The following RNF24 variants were observed in gnomAD, a reference collection of about 807,000 sequenced individuals.
RNF24 encodes the protein ring finger protein 24.
Under a neutral mutation model 20.0 loss-of-function variants are expected in RNF24, and 14 were observed. The observed-to-expected ratio is 0.70, with a 90% confidence interval of 0.46 to 1.10. RNF24 has a LOEUF of 1.10. RNF24 is among the 50% of genes least tolerant of loss of function. The pLI, the probability that RNF24 is intolerant of heterozygous loss-of-function variation, is 0.00. For synonymous variants in RNF24, 45 were observed against 61.1 expected, an observed-to-expected ratio of 0.74 and a Z score of 1.23; for missense variants, 124 against 177.6, an observed-to-expected ratio of 0.70 and a Z score of 1.71.
chr20:3,978,758 A>C (rs1330056426), intron 1 of RNF24, among the ~76,000 whole-genome samples: 4 of 152,206 alleles, frequency 2.6e-5, no homozygotes, highest in African/African-American at 9.7e-5. Context: ...AGAAATATTA[A>C]TCTCCAAATG....
chr20:3,930,639 T>TATC lies in RNF24; in HGVS notation c.*3421_*3423dup. ...AGCTCTGGGTATACTGCCCTGGATG[T>TATC]ATCAGGATGTATTTCATAATGCCCA... On this transcript the variant is annotated 3_prime_UTR_variant, in exon 6 of 6. Coordinates refer to ENST00000358395, the MANE Select transcript of RNF24 (RefSeq NM_001134337.3). The TATC allele has an allele frequency of 6.6e-6, 1 of 152,428 alleles. No homozygotes were observed. The highest frequency in any genetic ancestry group is 1.9e-4 in the East Asian group (1 of 5,186). 9.4% of individuals were successfully genotyped at this position (152,428 alleles called of 1,614,324 possible).
At chr20:4,011,835 G>A (rs1233849480) in intron 1 of RNF24, among the ~76,000 whole-genome samples, 2 of 152,230 alleles carry the variant, frequency 1.3e-5, no homozygotes, top group African/African-American at 4.8e-5. Flanking sequence ...TGGAAGGATA[G>A]TTATGTGAGA....
rs1288023609 is a variant in RNF24, at chr20:3,929,486, G to A, written c.*4577C>T. 1 of 152,282 alleles carries A rather than the reference G, an allele frequency of 6.6e-6. No individual in the cohort carries two copies. Among genetic ancestry groups the A allele is most frequent in the Non-Finnish European group, 1.5e-5 (1 of 68,068 alleles). The allele number at this position is 152,282 out of a possible 1,614,324, so 9.4% of individuals were successfully genotyped here. On this transcript the variant is annotated 3_prime_UTR_variant, in exon 6 of 6. Transcript: ENST00000358395. ...TCCACATGAGACTCACTGTGCACTTGCTCAGTAGCTAAGATGTCTGCCCCA... is the reference window on the plus strand; with the variant it reads ...TCCACATGAGACTCACTGTGCACTTACTCAGTAGCTAAGATGTCTGCCCCA...
At position 3,963,892 on chromosome 20, in the gene RNF24, G is replaced by T; in HGVS notation, c.126C>A (p.Phe42Leu). The T allele has an allele frequency of 1.9e-6, 3 of 1,590,230 alleles. No homozygotes were observed. The highest frequency in any genetic ancestry group is 2.6e-6 in the Non-Finnish European group (3 of 1,167,828). Residue 42 changes from phenylalanine to leucine, a missense_variant, in exon 2 of 6, where the codon TTC (phenylalanine) becomes TTA (leucine). Transcript: ENST00000358395. ...AIFVFILSLL[F>L]CCYLIRLRHQ... ...TTGGTTACCTAATCAAGTAGCAACAGAAGAGTAAACTAAGGATGAAGACAA... is the reference window on the plus strand; with the variant it reads ...TTGGTTACCTAATCAAGTAGCAACATAAGAGTAAACTAAGGATGAAGACAA...
intron 2 of RNF24, among the ~76,000 whole-genome samples, chr20:3,949,665 C>T (rs1008889757): frequency 1.2e-4 from 18 of 152,116 alleles, no homozygotes; most frequent in African/African-American, 2.9e-4. Context: ...GCCTGGGTGA[C>T]GGAGTGAGAT....
At chr20:3,937,356 A>G (rs2146941903) in intron 4 of RNF24, among the ~76,000 whole-genome samples, 1 of 152,340 alleles carries the variant, frequency 6.6e-6, no homozygotes, top group African/African-American at 2.4e-5. Flanking sequence ...TTTACAGTTC[A>G]TATTTTGCAA....
intron 1 of RNF24, among the ~76,000 whole-genome samples, chr20:3,965,958 A>G (rs1273013787): frequency 3.3e-5 from 5 of 152,002 alleles, no homozygotes; most frequent in Admixed American, 1.3e-4. Flanking sequence ...ACATGGCGAC[A>G]ATGTGTCTCT....
At position 3,932,831 on chromosome 20, in the gene RNF24, T is replaced by G; in HGVS notation, c.*1232A>C. The G allele has an allele frequency of 2.5e-6, 1 of 398,070 alleles. No homozygotes were observed. 24.7% of individuals were successfully genotyped at this position (398,070 alleles called of 1,614,324 possible). ...CAATATTCACAAATCTTAATGGACT[T>G]TGAGTCATTTCTAGAAAAGTTGGAC... On this transcript the variant is annotated 3_prime_UTR_variant, in exon 6 of 6. Transcript: ENST00000358395.
At chr20:3,960,133 T>C (rs1014255132) in intron 2 of RNF24, among the ~76,000 whole-genome samples, 7 of 152,154 alleles carry the variant, frequency 4.6e-5, no homozygotes, top group African/African-American at 1.7e-4. Context: ...AGTCTTCCTA[T>C]GGTTCTGATG....
intron 1 of RNF24, among the ~76,000 whole-genome samples, chr20:3,995,841 A>C (rs1291722641): frequency 6.6e-6 from 1 of 151,976 alleles, no homozygotes; most frequent in Non-Finnish European, 1.5e-5. Context: ...TTTTTTCAAA[A>C]ATGCTGAAAA....
chr20:3,967,973 C>CAAAAAAAA (rs58984163), intron 1 of RNF24, among the ~76,000 whole-genome samples: 35 of 77,134 alleles, frequency 4.5e-4, no homozygotes, highest in African/African-American at 6.2e-4. Flanking sequence ...AGCCTGGCAA[C>CAAAAAAAA]AAAAAAAAAA....
At chr20:3,964,873 TG>T (rs1270582047) in intron 1 of RNF24, among the ~76,000 whole-genome samples, 5 of 152,110 alleles carry the variant, frequency 3.3e-5, no homozygotes, top group African/African-American at 1.2e-4. Flanking sequence ...TCTGGTCCCA[TG>T]GCCATGACTG....
chr20:3,941,589 AAGAG>A (rs1415065117), intron 4 of RNF24, among the ~76,000 whole-genome samples: 1 of 152,174 alleles, frequency 6.6e-6, no homozygotes, highest in Non-Finnish European at 1.5e-5. Flanking sequence ...GAGAATGAAA[AAGAG>A]AGAGAAAAGC....
chr20:3,982,103 G>GTCTCTCTC (rs34868373), intron 1 of RNF24, among the ~76,000 whole-genome samples: 4,147 of 137,030 alleles, frequency 0.03, 128 homozygotes, highest in East Asian at 0.075. Context: ...GTGAGACCTC[G>GTCTCTCTC]TCTCTCTCTC....
At chr20:3,994,728 T>C (rs1980725122) in intron 1 of RNF24, among the ~76,000 whole-genome samples, 2 of 152,206 alleles carry the variant, frequency 1.3e-5, no homozygotes. Context: ...GACAGCTCAC[T>C]TCTTATTCTT....
intron 1 of RNF24, among the ~76,000 whole-genome samples, chr20:3,996,097 T>C (rs1980842666): frequency 6.6e-6 from 1 of 152,204 alleles, no homozygotes; most frequent in Non-Finnish European, 1.5e-5. Flanking sequence ...TCAGGTCATA[T>C]GAAGCTGTAC....
intron 1 of RNF24, among the ~76,000 whole-genome samples, chr20:4,003,344 A>G (rs1981572109): frequency 2.0e-5 from 3 of 152,212 alleles, no homozygotes; most frequent in Admixed American, 2.0e-4. Flanking sequence ...ATAGTATTTT[A>G]ACTTTTAATA....
chr20:3,935,398 C>A (rs917495173), intron 4 of RNF24, among the ~76,000 whole-genome samples: 1 of 152,172 alleles, frequency 6.6e-6, no homozygotes, highest in Non-Finnish European at 1.5e-5. Context: ...AGCCTGCTGT[C>A]CCTTTCCTGG....
intron 1 of RNF24, chr20:3,974,273 A>G (rs1978660974): frequency 2.0e-6 from 3 of 1,523,944 alleles, no homozygotes; most frequent in Admixed American, 2.1e-5. Flanking sequence ...CAACCAAACA[A>G]TAACAACAAA....
Sources: allele counts gnomAD v4.1 joint callset (sites outside exome capture counted in the v4.1 genomes callset), GRCh38; gene constraint gnomAD v4.1.1; transcripts MANE v1.5; gene names NCBI Gene and HGNC (gene_info 2026-07-23, HGNC 2026-07-21).